Variants in PTPRN2 observed in about 807,000 individuals in gnomAD.
PTPRN2 encodes protein tyrosine phosphatase receptor type N2.
Under a neutral mutation model 118.8 loss-of-function variants are expected in PTPRN2, and 74 were observed. The observed-to-expected ratio is 0.62, with a 90% CI of 0.52 to 0.76. The LOEUF (loss-of-function observed/expected upper bound fraction) is 0.76. PTPRN2 is among the 30% of genes least tolerant of loss of function. The probability of loss-of-function intolerance (pLI) is 0.00; values close to 1 mark genes in which losing one functional copy is unlikely to be tolerated. For synonymous variants in PTPRN2, 641 were observed against 608.0 expected (o/e 1.05, Z -0.80); for missense variants, 1,481 against 1,394.4 (o/e 1.06, Z -0.99).
At chr7:158,511,918 AATAG>A (rs1237908470) in intron 1 of PTPRN2, among the ~76,000 whole-genome samples, 9 of 152,242 alleles carry the variant, frequency 5.9e-5, no homozygotes, top group African/African-American at 1.9e-4. Flanking sequence ...GAGTATGTGA[AATAG>A]ATGATTTTTT....
At chr7:158,064,064 G>A (rs929387941) in intron 11 of PTPRN2, among the ~76,000 whole-genome samples, 1 of 152,182 alleles carries the variant, frequency 6.6e-6, no homozygotes, top group African/African-American at 2.4e-5. Context: ...CACCAGCAGG[G>A]ACCATCTCAG....
At position 157,881,818 on chromosome 7, in the gene PTPRN2, T is replaced by A. The variant is rs921082511; in HGVS notation, c.1788+16855A>T. ...CAACCCTAATTAGACTTTTAATAGA[T>A]CCTTTGTTTCACAGGAATGAAAGTG... is the stretch of plus-strand genomic sequence containing the variant. On this transcript the variant is annotated intron_variant, in intron 12 of 22. Transcript: ENST00000389418. The surrounding 1 kb of genome is among the most constrained non-coding windows in gnomAD (Gnocchi z 4.7). 6.6e-6 allele frequency among the ~76,000 whole-genome samples: 1 copy of A among 151,940 alleles called. No homozygotes were observed. Among genetic ancestry groups the A allele is most frequent in the African/African-American group, 2.4e-5 (1 of 41,348 alleles).
chr7:158,190,197 T>C (rs1825652137), intron 5 of PTPRN2, among the ~76,000 whole-genome samples: 3 of 152,050 alleles, frequency 2.0e-5, no homozygotes, highest in Non-Finnish European at 4.4e-5. Flanking sequence ...CTACCCCTGG[T>C]TTACAGCTGA....
intron 3 of PTPRN2, among the ~76,000 whole-genome samples, chr7:158,213,206 T>TTGTGTGTG (rs57665784): frequency 4.8e-4 from 68 of 140,428 alleles, no homozygotes; most frequent in African/African-American, 1.6e-3. Context: ...GGCTCTGTGC[T>TTGTGTGTG]TGTGTGTGTG....
intron 6 of PTPRN2, among the ~76,000 whole-genome samples, chr7:158,159,240 C>T (rs1011305916): frequency 2.6e-5 from 4 of 152,242 alleles, no homozygotes; most frequent in East Asian, 1.9e-4. Flanking sequence ...AATAACCACG[C>T]GAAGCGTTGC....
chr7:157,714,699 C>T (rs543946924), intron 12 of PTPRN2, among the ~76,000 whole-genome samples: 19 of 152,296 alleles, frequency 1.2e-4, no homozygotes, highest in South Asian at 6.2e-4. Flanking sequence ...ATGCCCAGTC[C>T]GACGTGCTTC....
At chr7:157,703,191 G>A (rs955005500) in intron 12 of PTPRN2, among the ~76,000 whole-genome samples, 19 of 152,196 alleles carry the variant, frequency 1.2e-4, no homozygotes, top group Non-Finnish European at 2.4e-4. Context: ...TTTCCTGAGC[G>A]CCACTGGACC....
chr7:158,002,268 G>C (rs1004590789), intron 11 of PTPRN2, among the ~76,000 whole-genome samples: 6 of 152,212 alleles, frequency 3.9e-5, no homozygotes, highest in Non-Finnish European at 8.8e-5. Context: ...GCTCTGGATG[G>C]TCACTCACTC....
At chr7:158,076,332 C>T (rs562847745) in intron 11 of PTPRN2, among the ~76,000 whole-genome samples, 2 of 152,112 alleles carry the variant, frequency 1.3e-5, no homozygotes, top group South Asian at 2.1e-4. Flanking sequence ...TGTGTGGGAG[C>T]GTGGATGGCT....
chr7:158,583,265 T>C (rs945975951), intron 1 of PTPRN2, among the ~76,000 whole-genome samples: 1 of 152,190 alleles, frequency 6.6e-6, no homozygotes, highest in Non-Finnish European at 1.5e-5. Context: ...GGCCTTGGGA[T>C]GTTGAGCCTT....
chr7:158,465,738 G>T (rs556392349), intron 2 of PTPRN2, among the ~76,000 whole-genome samples: 1 of 152,250 alleles, frequency 6.6e-6, no homozygotes, highest in Admixed American at 6.5e-5. Flanking sequence ...ATTGATCCAG[G>T]GGCCTCCAGT....
chr7:158,178,805 G>A (rs1824446123), intron 5 of PTPRN2, among the ~76,000 whole-genome samples: 1 of 151,654 alleles, frequency 6.6e-6, no homozygotes, highest in African/African-American at 2.4e-5. Context: ...CATCATGTTG[G>A]CCAGGATGGT....
At chr7:157,873,064 G>A (rs745307733) in intron 12 of PTPRN2, among the ~76,000 whole-genome samples, 8 of 152,214 alleles carry the variant, frequency 5.3e-5, no homozygotes, top group Non-Finnish European at 7.3e-5. Flanking sequence ...ACTGCCCCTG[G>A]CCGTGTATGT....
chr7:158,532,697 A>G (rs754232990), intron 1 of PTPRN2: 1 of 533,842 alleles, frequency 1.9e-6, no homozygotes, highest in African/African-American at 1.9e-5. Context: ...AAAATACATA[A>G]CAAAACAACA....
At chr7:158,359,174 T>G (rs574977215) in intron 2 of PTPRN2, among the ~76,000 whole-genome samples, 1 of 152,124 alleles carries the variant, frequency 6.6e-6, no homozygotes. Flanking sequence ...AAATCCAAAG[T>G]GATTCACGCA....
chr7:158,450,617 A>C (rs2464340), intron 2 of PTPRN2, among the ~76,000 whole-genome samples: 1 of 152,236 alleles, frequency 6.6e-6, no homozygotes, highest in South Asian at 2.1e-4. Context: ...CCAGATTCAC[A>C]GGGCCTGTCG....
intron 10 of PTPRN2, among the ~76,000 whole-genome samples, chr7:158,087,779 T>G (rs1307229672): frequency 1.3e-4 from 14 of 104,854 alleles, no homozygotes; most frequent in East Asian, 3.3e-4. Flanking sequence ...CTTCCCCTGA[T>G]GAAAGGGGGA....
intron 11 of PTPRN2, among the ~76,000 whole-genome samples, chr7:157,942,197 A>AC (rs1800185533): frequency 2.5e-5 from 1 of 40,408 alleles, no homozygotes. Context: ...CTCCACACAC[A>AC]GGGGTCCTCG....
intron 11 of PTPRN2, among the ~76,000 whole-genome samples, chr7:157,979,274 G>A (rs1336200222): frequency 1.3e-5 from 2 of 152,188 alleles, no homozygotes; most frequent in Non-Finnish European, 2.9e-5. Context: ...CATTGCTTAA[G>A]TTATCAGGGA....
Sources: allele counts gnomAD v4.1 joint callset (sites outside exome capture counted in the v4.1 genomes callset), GRCh38; gene constraint gnomAD v4.1.1; non-coding constraint Gnocchi (gnomAD v3.1); transcripts MANE v1.5; gene names NCBI Gene and HGNC (gene_info 2026-07-23, HGNC 2026-07-21).